WWC1: variants seen among roughly 807,000 people sequenced by gnomAD.
WWC1 encodes the protein WW and C2 domain containing 1.
In WWC1, 55 loss-of-function variants were observed where a neutral mutation model predicts 138.4. The observed-to-expected ratio is 0.40, with a 90% CI of 0.32 to 0.50. The LOEUF (loss-of-function observed/expected upper bound fraction) is 0.50, where lower values mean the gene tolerates loss of function less well. Ranked by LOEUF, WWC1 falls within the 20% of genes least tolerant of loss-of-function variation. WWC1 has a pLI of 0.72. For missense variants in WWC1, 1,226 were observed against 1,420.4 expected (o/e 0.86, Z 2.20); for synonymous variants, 524 against 564.9 (o/e 0.93, Z 1.03).
chr5:168,370,066 A>G (rs943996264), intron 1 of WWC1, among the ~76,000 whole-genome samples: 5 of 118,732 alleles, frequency 4.2e-5, no homozygotes, highest in African/African-American at 1.7e-4. Context: ...ATGCCCAGCT[A>G]ATTTTTGCAT....
At chr5:168,399,357 G>T (rs892160397) in intron 4 of WWC1, 131 bp from the exon 5 acceptor site, 20 of 842,830 alleles carry the variant, frequency 2.4e-5, no homozygotes, top group Non-Finnish European at 3.4e-5. Flanking sequence ...CCAGTGTGGC[G>T]CAAGGGGTGC....
chr5:168,320,969 A>G (rs1320625179), intron 1 of WWC1, among the ~76,000 whole-genome samples: 1 of 152,228 alleles, frequency 6.6e-6, no homozygotes, highest in Non-Finnish European at 1.5e-5. Flanking sequence ...ATTAGAGCCA[A>G]TAGCCATCTG....
At chr5:168,402,597 GC>G (rs1355088470) in intron 5 of WWC1, among the ~76,000 whole-genome samples, 1 of 152,080 alleles carries the variant, frequency 6.6e-6, no homozygotes, top group Non-Finnish European at 1.5e-5. Context: ...AGCACTTCAC[GC>G]CAGCCACCTC....
intron 5 of WWC1, 49 bp from the exon 6 acceptor site, chr5:168,406,149 T>G: frequency 6.2e-7 from 1 of 1,604,106 alleles, no homozygotes; most frequent in Non-Finnish European, 8.5e-7. Context: ...GGGGAGACCC[T>G]GTCCCTCACC....
At chr5:168,346,575 A>G (rs1423954684) in intron 1 of WWC1, among the ~76,000 whole-genome samples, 1 of 152,204 alleles carries the variant, frequency 6.6e-6, no homozygotes, top group Non-Finnish European at 1.5e-5. Flanking sequence ...GAGAAAATAA[A>G]TGCATGCAGA....
intron 3 of WWC1, among the ~76,000 whole-genome samples, chr5:168,388,704 C>A (rs900747281): frequency 2.0e-5 from 3 of 151,938 alleles, no homozygotes; most frequent in African/African-American, 7.3e-5. Flanking sequence ...GTGGCACGTG[C>A]CTGTAATCCC....
chr5:168,294,190 GGTAA>G (rs1769318268), intron 1 of WWC1, among the ~76,000 whole-genome samples: 1 of 152,062 alleles, frequency 6.6e-6, no homozygotes, highest in Non-Finnish European at 1.5e-5. Flanking sequence ...CTTGGAAAAG[GGTAA>G]GTAAGTAGCT....
At chr5:168,464,193 T>C (rs757943474) in intron 20 of WWC1, among the ~76,000 whole-genome samples, 1 of 151,878 alleles carries the variant, frequency 6.6e-6, no homozygotes, top group East Asian at 1.9e-4. Flanking sequence ...GCAGAAACAA[T>C]AGGGGCCCAT....
intron 1 of WWC1, among the ~76,000 whole-genome samples, chr5:168,351,914 C>A (rs1774996397): frequency 6.6e-6 from 1 of 152,162 alleles, no homozygotes. Context: ...TGCACCCTCT[C>A]CACCCAAGAC....
intron 10 of WWC1, among the ~76,000 whole-genome samples, chr5:168,423,100 C>G (rs1781226777): frequency 2.1e-5 from 3 of 141,188 alleles, no homozygotes; most frequent in Admixed American, 1.5e-4. Flanking sequence ...GAGCCGAGAT[C>G]GCCCCACTGC....
chr5:168,413,422 A>T (rs1362196263), intron 8 of WWC1, among the ~76,000 whole-genome samples: 1 of 152,214 alleles, frequency 6.6e-6, no homozygotes, highest in Non-Finnish European at 1.5e-5. Flanking sequence ...CAATGTATAA[A>T]GGGCTCTTAA....
At chr5:168,437,061 C>T (rs114440241) in intron 15 of WWC1, among the ~76,000 whole-genome samples, 2,455 of 135,938 alleles carry the variant, frequency 0.018, 83 homozygotes, top group African/African-American at 0.061. Flanking sequence ...TTCCTCCAGC[C>T]TCGTGTTCCT....
intron 1 of WWC1, among the ~76,000 whole-genome samples, chr5:168,317,511 C>T (rs1299489730): frequency 1.3e-5 from 2 of 152,044 alleles, no homozygotes; most frequent in Non-Finnish European, 2.9e-5. Flanking sequence ...GACAGGGCTG[C>T]GATGACTCTC....
intron 1 of WWC1, among the ~76,000 whole-genome samples, chr5:168,369,462 G>A (rs577716283): frequency 4.6e-5 from 7 of 152,256 alleles, no homozygotes; most frequent in Non-Finnish European, 8.8e-5. Context: ...TAATGCAGTG[G>A]TGCCATCACA....
chr5:168,367,438 T>A (rs1776385757), intron 1 of WWC1, among the ~76,000 whole-genome samples: 2 of 151,396 alleles, frequency 1.3e-5, no homozygotes, highest in South Asian at 4.2e-4. Flanking sequence ...TTCACGCCAT[T>A]CTCCTGCCTC....
chr5:168,353,018 G>A (rs75760937), intron 1 of WWC1, among the ~76,000 whole-genome samples: 2,783 of 152,280 alleles, frequency 0.018, 38 homozygotes, highest in South Asian at 0.056. Context: ...AACTATGATT[G>A]TTGCTATCAT....
Position 168,470,596 on chromosome 5 carries a change from A to C in WWC1, c.*1579A>C, listed in dbSNP as rs1757628912. ...ATGCTTGTAATCCCAGCACTTTGGG[A>C]GGCTGAGGCGGGCAGATCAACTGAG... On this transcript the variant is annotated 3_prime_UTR_variant, in exon 23 of 23. Coordinates refer to ENST00000265293, the MANE Select transcript of WWC1 (RefSeq NM_015238.3). 1 of 151,334 alleles carries C rather than the reference A, an allele frequency of 6.6e-6. No homozygotes were observed. The highest frequency in any genetic ancestry group is 1.5e-5 in the Non-Finnish European group (1 of 68,010). The allele number at this position is 151,334 out of a possible 1,614,324, so 9.4% of individuals were successfully genotyped here. A position where few individuals can be genotyped will look rare whatever the true frequency, so the allele number is the denominator to read the frequency against.
intron 15 of WWC1, among the ~76,000 whole-genome samples, chr5:168,438,068 C>A (rs562519638): frequency 6.6e-6 from 1 of 152,114 alleles, no homozygotes; most frequent in South Asian, 2.1e-4. Context: ...TCCCAATAGG[C>A]TGGTAGGTAG....
chr5:168,403,140 C>G (rs1779515792), intron 5 of WWC1, among the ~76,000 whole-genome samples: 1 of 151,038 alleles, frequency 6.6e-6, no homozygotes, highest in South Asian at 2.1e-4. Flanking sequence ...CCCTGTCACC[C>G]AGGCTGGAGT....
Sources: allele counts gnomAD v4.1 joint callset (sites outside exome capture counted in the v4.1 genomes callset), GRCh38; gene constraint gnomAD v4.1.1; transcripts MANE v1.5; gene names NCBI Gene and HGNC (gene_info 2026-07-23, HGNC 2026-07-21).